Variants in SNTG1 observed in about 807,000 individuals in gnomAD.
The protein encoded by SNTG1 is gamma-1-syntrophin.
Under a neutral mutation model 74.7 loss-of-function variants are expected in SNTG1, and 39 were observed. That is an observed-to-expected ratio of 0.52 (90% CI 0.40 to 0.68). The LOEUF (loss-of-function observed/expected upper bound fraction) is 0.68. Among genes scored for constraint, SNTG1 ranks in the 30% least tolerant of loss-of-function variants. The pLI is 0.00. For synonymous variants in SNTG1, 254 were observed against 217.1 expected (o/e 1.17, Z -1.49); for missense variants, 685 against 609.5 (o/e 1.12, Z -1.30).
At chr8:50,575,835 T>C (rs1201283656) in intron 12 of SNTG1, 1 of 152,234 alleles carries the variant, frequency 6.6e-6, no homozygotes, top group Non-Finnish European at 1.5e-5. Flanking sequence ...AATGAAGAGA[T>C]CACAGAAATG....
intron 1 of SNTG1, among the ~76,000 whole-genome samples, chr8:50,132,704 C>A (rs1209067496): frequency 1.3e-5 from 2 of 152,170 alleles, no homozygotes; most frequent in Admixed American, 6.5e-5. Context: ...CATTTTTATA[C>A]CCTAGAATTT....
intron 17 of SNTG1, among the ~76,000 whole-genome samples, chr8:50,723,532 C>A (rs935321417): frequency 2.6e-5 from 4 of 152,082 alleles, no homozygotes; most frequent in African/African-American, 9.7e-5. Context: ...TATATGTTTC[C>A]CCCACTTCCC....
intron 1 of SNTG1, among the ~76,000 whole-genome samples, chr8:50,028,947 C>A (rs945863113): frequency 2.6e-5 from 4 of 151,766 alleles, no homozygotes; most frequent in African/African-American, 7.3e-5. Flanking sequence ...CAGATCATGT[C>A]TTTTGTCCAT....
intron 18 of SNTG1, among the ~76,000 whole-genome samples, chr8:50,790,699 A>G (rs894620884): frequency 3.3e-5 from 5 of 151,872 alleles, no homozygotes; most frequent in African/African-American, 7.2e-5. Context: ...TTTCTCTTCT[A>G]ATCACCTGCT....
At chr8:49,919,656 T>C (rs1806355759) in intron 1 of SNTG1, among the ~76,000 whole-genome samples, 1 of 152,026 alleles carries the variant, frequency 6.6e-6, no homozygotes, top group Non-Finnish European at 1.5e-5. Flanking sequence ...TATTAACAAA[T>C]GAATAATATG....
chr8:50,372,668 A>G lies in SNTG1; in HGVS notation c.-27-21544A>G, dbSNP rs561101058. Among the ~76,000 whole-genome samples the G allele has an allele frequency of 3.3e-3, 500 of 152,286 alleles. 3 individuals carry two copies. Among genetic ancestry groups the G allele is most frequent in the African/African-American group, 0.012 (483 of 41,572 alleles). On this transcript the variant is annotated intron_variant, in intron 2 of 18. Transcript: ENST00000642720. ...CTCTGGGGATTCCAAGAAATGAAAG[A>G]TACAGCTCTGACATTATGTAACAGG... is the stretch of plus-strand genomic sequence containing the variant.
chr8:50,218,198 C>A (rs2084888826), intron 2 of SNTG1, among the ~76,000 whole-genome samples: 1 of 152,152 alleles, frequency 6.6e-6, no homozygotes, highest in Non-Finnish European at 1.5e-5. Flanking sequence ...TGGCAATATA[C>A]TTACCAACTA....
chr8:49,969,910 T>TA (rs1267415124), intron 1 of SNTG1, among the ~76,000 whole-genome samples: 4 of 109,600 alleles, frequency 3.6e-5, no homozygotes, highest in East Asian at 3.3e-4. Flanking sequence ...GATGGTGGAA[T>TA]AAAAAACCTG....
At chr8:50,014,918 G>A (rs897628739) in intron 1 of SNTG1, among the ~76,000 whole-genome samples, 1 of 151,650 alleles carries the variant, frequency 6.6e-6, no homozygotes, top group African/African-American at 2.4e-5. Flanking sequence ...CACGTTAAGG[G>A]GAAAGGTATG....
At chr8:50,250,104 A>G (rs1300954709) in intron 2 of SNTG1, among the ~76,000 whole-genome samples, 1 of 151,978 alleles carries the variant, frequency 6.6e-6, no homozygotes, top group African/African-American at 2.4e-5. Flanking sequence ...TATGAACGAA[A>G]AATGTAATAA....
chr8:50,417,135 C>T (rs555755781), intron 4 of SNTG1, among the ~76,000 whole-genome samples: 32 of 152,230 alleles, frequency 2.1e-4, no homozygotes, highest in Admixed American at 2.1e-3. Context: ...ATATGTATAA[C>T]TTCAGTTTGA....
chr8:50,378,808 T>G (rs897018051), intron 2 of SNTG1, among the ~76,000 whole-genome samples: 4 of 152,044 alleles, frequency 2.6e-5, no homozygotes, highest in African/African-American at 9.7e-5. Flanking sequence ...TCCTGGCACC[T>G]GCTCAGCTTT....
At chr8:50,672,070 G>A (rs765866041) in intron 15 of SNTG1, among the ~76,000 whole-genome samples, 24 of 148,138 alleles carry the variant, frequency 1.6e-4, no homozygotes, top group Middle Eastern at 3.4e-3. Context: ...GGGAGGGATA[G>A]CATTAGGAGA....
chr8:50,221,251 A>G (rs2085048607), intron 2 of SNTG1, among the ~76,000 whole-genome samples: 1 of 152,108 alleles, frequency 6.6e-6, no homozygotes, highest in African/African-American at 2.4e-5. Flanking sequence ...ACAGAGAGAA[A>G]TGTATAGCCT....
chr8:50,004,947 A>C (rs1321874172), intron 1 of SNTG1, among the ~76,000 whole-genome samples: 1 of 152,196 alleles, frequency 6.6e-6, no homozygotes, highest in Non-Finnish European at 1.5e-5. Context: ...TAAACTGCGC[A>C]TGAAACCTCC....
chr8:50,221,425 AAATATTAATAAAAAATAG>A (rs764228599), intron 2 of SNTG1, among the ~76,000 whole-genome samples: 3 of 151,890 alleles, frequency 2.0e-5, no homozygotes, highest in African/African-American at 7.3e-5. Flanking sequence ...CAACGTGGCA[AAATATTAATAAAAAATAG>A]AATATTAATA....
At chr8:50,582,305 G>A (rs1185703193) in intron 12 of SNTG1, among the ~76,000 whole-genome samples, 1 of 152,148 alleles carries the variant, frequency 6.6e-6, no homozygotes, top group Non-Finnish European at 1.5e-5. Context: ...CTAAGACCTA[G>A]GCCTTCTCTA....
chr8:50,694,644 C>T (rs1310109344), intron 15 of SNTG1, among the ~76,000 whole-genome samples: 1 of 151,956 alleles, frequency 6.6e-6, no homozygotes, highest in Non-Finnish European at 1.5e-5. Flanking sequence ...AAATTATAGG[C>T]CAACACACTT....
intron 8 of SNTG1, among the ~76,000 whole-genome samples, chr8:50,463,856 AG>A (rs2093587841): frequency 6.6e-6 from 1 of 152,232 alleles, no homozygotes; most frequent in African/African-American, 2.4e-5. Flanking sequence ...GGCATCCAGC[AG>A]AAGGCTATTT....
Sources: gnomAD v4.1 joint callset for allele counts (sites outside exome capture counted in the v4.1 genomes callset) on GRCh38, gnomAD v4.1.1 for gene constraint, MANE v1.5 for transcripts, NCBI Gene and HGNC (gene_info 2026-07-23, HGNC 2026-07-21) for gene names.